The following RPTOR variants were observed in gnomAD, a reference collection of about 807,000 sequenced individuals.
RPTOR encodes regulatory-associated protein of mTOR.
A neutral mutation model predicts 169.9 loss-of-function variants in RPTOR; 21 were observed. The ratio of observed to expected loss-of-function variants is 0.12; its 90% CI spans 0.09 to 0.18. The LOEUF (loss-of-function observed/expected upper bound fraction) is 0.18. Ranked by LOEUF, RPTOR falls within the 10% of genes least tolerant of loss-of-function variation. The pLI, the probability that RPTOR is intolerant of heterozygous loss-of-function variation, is 1.00. For synonymous variants in RPTOR, 732 were observed against 753.2 expected, an observed-to-expected ratio of 0.97 and a Z score of 0.46; for missense variants, 1,133 against 1,855.9, an observed-to-expected ratio of 0.61 and a Z score of 7.16.
chr17:80,924,111 T>C, intron 23 of RPTOR: 1 of 191,972 alleles, frequency 5.2e-6, no homozygotes, highest in Non-Finnish European at 1.1e-5. Context: ...GTCTTTTCTG[T>C]GAACATCCAA....
intron 8 of RPTOR, among the ~76,000 whole-genome samples, chr17:80,822,748 A>G (rs2067394204): frequency 6.7e-6 from 1 of 149,928 alleles, no homozygotes; most frequent in Non-Finnish European, 1.5e-5. Context: ...GTGTATATGC[A>G]TATTTGTGTG....
rs377442287 is a variant in RPTOR, at chr17:80,923,551, C to G, written c.2686C>G (p.Pro896Ala). Reference sequence around the variant, plus strand: ...CCTGACCAACGATGTGGCCAAGCAGCCGGTCAGCCGAGACTTGCCTTCTGG... The same window carrying G: ...CCTGACCAACGATGTGGCCAAGCAGGCGGTCAGCCGAGACTTGCCTTCTGG... ...SSLTNDVAKQPVSRDLPSGRP... is the reference protein window; with the variant it reads ...SSLTNDVAKQAVSRDLPSGRP... The change falls in exon 23 of 34, where the codon CCG becomes GCG. Residue 896 changes from proline to alanine, a missense_variant. Coordinates refer to ENST00000306801, the MANE Select transcript of RPTOR (RefSeq NM_020761.3). 1 of 1,613,454 alleles carries G rather than the reference C, an allele frequency of 6.2e-7. No homozygotes were observed. The highest frequency in any genetic ancestry group is 1.6e-4 in the Middle Eastern group (1 of 6,062).
intron 6 of RPTOR, among the ~76,000 whole-genome samples, chr17:80,771,613 C>T (rs1165838719): frequency 6.9e-6 from 1 of 144,198 alleles, no homozygotes; most frequent in Non-Finnish European, 1.5e-5. Context: ...GTTTGTGTTT[C>T]TTGTTTTTCT....
At chr17:80,850,232 G>A (rs1421342986) in intron 11 of RPTOR, among the ~76,000 whole-genome samples, 1 of 152,070 alleles carries the variant, frequency 6.6e-6, no homozygotes, top group Admixed American at 6.5e-5. Flanking sequence ...TGGAGTCTCC[G>A]GTGCCTGTTA....
chr17:80,603,830 T>C (rs2065209192), intron 1 of RPTOR, among the ~76,000 whole-genome samples: 1 of 152,188 alleles, frequency 6.6e-6, no homozygotes, highest in Non-Finnish European at 1.5e-5. Context: ...TACTGGAGGC[T>C]GGTGACAGGT....
chr17:80,863,344 G>T (rs918739015), intron 13 of RPTOR, among the ~76,000 whole-genome samples: 4 of 152,098 alleles, frequency 2.6e-5, no homozygotes, highest in African/African-American at 9.7e-5. Flanking sequence ...CACACTACCA[G>T]CCAGAAATTA....
intron 2 of RPTOR, among the ~76,000 whole-genome samples, chr17:80,634,659 CTG>C (rs755746244): frequency 0.012 from 1,003 of 85,898 alleles, 127 homozygotes; most frequent in Non-Finnish European, 0.017. Flanking sequence ...TATGTGCGTA[CTG>C]TGTGTGTGCG....
At chr17:80,902,338 C>T (rs1043311664) in intron 20 of RPTOR, among the ~76,000 whole-genome samples, 8 of 152,364 alleles carry the variant, frequency 5.3e-5, no homozygotes, top group South Asian at 2.1e-4. Flanking sequence ...CAGCAGCAGC[C>T]GCTCCACTGC....
chr17:80,964,210 G>T (rs567536688), intron 33 of RPTOR, 52 bp from the exon 34 acceptor site: 13 of 564,654 alleles, frequency 2.3e-5, no homozygotes, highest in Middle Eastern at 6.5e-4. Context: ...CCCGCCCCCC[G>T]CAGTGTCTGC....
intron 2 of RPTOR, among the ~76,000 whole-genome samples, chr17:80,635,125 T>G (rs375799067): frequency 1.8e-4 from 27 of 152,320 alleles, no homozygotes; most frequent in African/African-American, 6.5e-4. Context: ...CCTCCTCCTG[T>G]GTGAACCCTC....
intron 1 of RPTOR, among the ~76,000 whole-genome samples, chr17:80,615,313 G>A (rs2065301299): frequency 1.3e-5 from 2 of 152,124 alleles, no homozygotes; most frequent in East Asian, 1.9e-4. Context: ...CCTGTGGAAC[G>A]GGGGCCTCGA....
intron 13 of RPTOR, among the ~76,000 whole-genome samples, chr17:80,874,631 C>T (rs527376176): frequency 8.5e-5 from 13 of 152,190 alleles, no homozygotes; most frequent in Admixed American, 3.3e-4. Flanking sequence ...CTGCTGAAGT[C>T]GTGAAGAGCA....
At chr17:80,821,693 C>T (rs563090082) in intron 7 of RPTOR, among the ~76,000 whole-genome samples, 1 of 152,332 alleles carries the variant, frequency 6.6e-6, no homozygotes, top group Admixed American at 6.5e-5. Context: ...AGGACAGGGC[C>T]TGGGCGCGCG....
intron 4 of RPTOR, among the ~76,000 whole-genome samples, chr17:80,720,881 T>G (rs2066279830): frequency 6.7e-6 from 1 of 148,776 alleles, no homozygotes; most frequent in East Asian, 1.9e-4. Context: ...TTGTCTGCCT[T>G]TGAGAACCCC....
chr17:80,949,598 G>A, intron 28 of RPTOR, 51 bp downstream of exon 28: 1 of 1,473,376 alleles, frequency 6.8e-7, no homozygotes, highest in Non-Finnish European at 9.5e-7. Context: ...CGGGGCTGCG[G>A]ACGCACTCGG....
At chr17:80,637,236 G>T (rs1336288288) in intron 2 of RPTOR, among the ~76,000 whole-genome samples, 1 of 152,246 alleles carries the variant, frequency 6.6e-6, no homozygotes, top group Non-Finnish European at 1.5e-5. Flanking sequence ...TCATGTCTGT[G>T]AGCAAACAAG....
chr17:80,692,278 CGTTATGTTATGTTATGTTAT>C (rs71367010), intron 3 of RPTOR, among the ~76,000 whole-genome samples: 26,161 of 145,356 alleles, frequency 0.18, 2,515 homozygotes, highest in East Asian at 0.29. Context: ...TGTCTGGCTA[CGTTATGTTATGTTATGTTAT>C]GTTATGTTAT....
At chr17:80,723,994 G>A (rs939189610) in intron 4 of RPTOR, among the ~76,000 whole-genome samples, 4 of 151,428 alleles carry the variant, frequency 2.6e-5, no homozygotes, top group South Asian at 4.1e-4. Flanking sequence ...AAGCAGGGAT[G>A]TTTAGTTTCT....
At chr17:80,782,890 G>A (rs1315635283) in intron 6 of RPTOR, among the ~76,000 whole-genome samples, 2 of 152,060 alleles carry the variant, frequency 1.3e-5, no homozygotes, top group Non-Finnish European at 2.9e-5. Context: ...TATTTGAATC[G>A]GGCCAAGGAG....
Sources: allele counts gnomAD v4.1 joint callset (sites outside exome capture counted in the v4.1 genomes callset), GRCh38; gene constraint gnomAD v4.1.1; transcripts MANE v1.5; gene names NCBI Gene and HGNC (gene_info 2026-07-23, HGNC 2026-07-21).